The following TUT4 variants were observed in gnomAD, a reference collection of about 807,000 sequenced individuals.
TUT4 encodes terminal uridylyltransferase 4.
Under a neutral mutation model 192.2 loss-of-function variants are expected in TUT4, and 36 were observed. The ratio of observed to expected loss-of-function variants is 0.19; its 90% confidence interval spans 0.14 to 0.25. The LOEUF is 0.25. TUT4 is among the 10% of genes least tolerant of loss of function. TUT4 has a pLI of 1.00. For missense variants in TUT4, 1,493 were observed against 1,957.2 expected (o/e 0.76, Z 4.47); for synonymous variants, 618 against 666.0 (o/e 0.93, Z 1.11).
intron 12 of TUT4, among the ~76,000 whole-genome samples, chr1:52,475,773 G>A (rs1264164051): frequency 2.6e-5 from 4 of 151,802 alleles, no homozygotes; most frequent in Non-Finnish European, 5.9e-5. Context: ...CTAATAATAA[G>A]GTCACTAATA....
chr1:52,470,402 C>A (rs1352281176), intron 14 of TUT4, among the ~76,000 whole-genome samples: 3 of 151,658 alleles, frequency 2.0e-5, no homozygotes, highest in Non-Finnish European at 4.4e-5. Context: ...TGCTAAAAAA[C>A]ACGTGCCATG....
intron 8 of TUT4, 73 bp downstream of exon 8, chr1:52,490,659 T>C: frequency 1.5e-6 from 2 of 1,343,736 alleles, no homozygotes; most frequent in Non-Finnish European, 2.1e-6. Context: ...ACTTTTTCTC[T>C]TAAAGATCAT....
chr1:52,524,192 T>C (rs1055619950), intron 2 of TUT4, among the ~76,000 whole-genome samples: 4 of 152,212 alleles, frequency 2.6e-5, no homozygotes, highest in Non-Finnish European at 5.9e-5. Context: ...TCCTGCATTA[T>C]ACTCAAAAGG....
At chr1:52,528,358 G>A (rs1220095644) in intron 1 of TUT4, among the ~76,000 whole-genome samples, 1 of 151,840 alleles carries the variant, frequency 6.6e-6, no homozygotes, top group Non-Finnish European at 1.5e-5. Flanking sequence ...GGCCACTGTG[G>A]CATGCGCCTG....
In TUT4 at chr1:52,436,778, C is replaced by A; in HGVS notation, c.4139G>T (p.Arg1380Leu). The change falls in exon 26 of 30, where the codon CGT becomes CTT. Residue 1380 changes from arginine (R) to leucine (L), a missense_variant. This residue lies in a region of TUT4 where 351 missense variants were observed against 397.8 expected (regional missense o/e 0.88). Coordinates refer to ENST00000257177, the MANE Select transcript of TUT4 (RefSeq NM_001009881.3). The stretch of plus-strand genomic sequence containing the variant: ...ACCTGCCACACTGCTATTCCTCTGA[C>A]GGGCCAGCTTGACCTCTGGGCACTC... ...RRECPEVKLARQRNSSVAAAQ... is the reference protein window; with the variant it reads ...RRECPEVKLALQRNSSVAAAQ... 6.2e-7 allele frequency: 1 copy of A among 1,613,620 alleles called. No homozygotes were observed. The highest frequency in any genetic ancestry group is 8.5e-7 in the Non-Finnish European group (1 of 1,180,020).
chr1:52,447,904 CCAGAATA>C (rs1658068742), intron 20 of TUT4, among the ~76,000 whole-genome samples: 1 of 152,200 alleles, frequency 6.6e-6, no homozygotes, highest in African/African-American at 2.4e-5. Flanking sequence ...CTAATGGGTC[CCAGAATA>C]CAGTTAAACC....
At chr1:52,434,885 T>G (rs1437160838) in intron 27 of TUT4, 1 of 152,216 alleles carries the variant, frequency 6.6e-6, no homozygotes, top group South Asian at 2.1e-4. Flanking sequence ...GTCTGAATTC[T>G]CATTCAATAC....
chr1:52,528,118 G>A (rs139632799), intron 1 of TUT4, among the ~76,000 whole-genome samples: 2,819 of 151,560 alleles, frequency 0.019, 88 homozygotes, highest in African/African-American at 0.065. Context: ...AGCGGAAGTT[G>A]CAGTGAACTG....
At chr1:52,489,638 T>C (rs1400416747) in intron 8 of TUT4, among the ~76,000 whole-genome samples, 1 of 152,164 alleles carries the variant, frequency 6.6e-6, no homozygotes, top group African/African-American at 2.4e-5. Context: ...AGTGAAGATA[T>C]TTTGAAAGCA....
At chr1:52,439,311 GCTTTT>G (rs1654809308) in intron 24 of TUT4, among the ~76,000 whole-genome samples, 2 of 152,300 alleles carry the variant, frequency 1.3e-5, no homozygotes, top group Admixed American at 1.3e-4. Flanking sequence ...ATTTAATACA[GCTTTT>G]TAAGAACATG....
At chr1:52,430,990 A>G (rs1455098096) in intron 28 of TUT4, 23 bp downstream of exon 28, 3 of 1,532,664 alleles carry the variant, frequency 2.0e-6, no homozygotes, top group East Asian at 4.5e-5. Context: ...ATGCAGATAA[A>G]AAAGAAGAAA....
chr1:52,429,086 T>G (rs890257304), intron 28 of TUT4, among the ~76,000 whole-genome samples: 2 of 146,964 alleles, frequency 1.4e-5, no homozygotes, highest in South Asian at 4.5e-4. Flanking sequence ...TAATAGGTTT[T>G]TTTTTTTTTT....
intron 16 of TUT4, chr1:52,463,773 A>G: frequency 7.7e-7 from 1 of 1,303,942 alleles, no homozygotes; most frequent in Non-Finnish European, 1.0e-6. Flanking sequence ...TCCCACTATT[A>G]AGGCCTGGTA....
At chr1:52,513,516 T>C (rs1246605422) in intron 3 of TUT4, among the ~76,000 whole-genome samples, 1 of 144,630 alleles carries the variant, frequency 6.9e-6, no homozygotes, top group Non-Finnish European at 1.5e-5. Context: ...AATAAAGAGG[T>C]AGAAAGAAAA....
chr1:52,468,206 T>C lies in TUT4; in HGVS notation c.2940A>G (p.Glu980=), dbSNP rs772961818. The part of the protein sequence containing the change: ...HNREQILIGL[E]KFIQKEYDEK... ...CATCATATTCTTTTTGAATAAACTT[T>C]TCCAAGCCAATTAAAATTTGCTCCC... Residue 980 remains glutamate, a synonymous_variant, in exon 15 of 30, where the codon GAA becomes GAG. Coordinates refer to ENST00000257177, the MANE Select transcript of TUT4 (RefSeq NM_001009881.3). 7 of 1,611,128 alleles carry C rather than the reference T, an allele frequency of 4.3e-6. No homozygotes were observed. The highest frequency in any genetic ancestry group is 5.9e-6 in the Non-Finnish European group (7 of 1,179,256).
chr1:52,424,003 CTGTT>C lies in TUT4; in HGVS notation c.4871-5_4871-2del. The C allele has an allele frequency of 6.2e-7, 1 of 1,609,084 alleles. No homozygotes were observed. Among genetic ancestry groups the C allele is most frequent in the Non-Finnish European group, 8.5e-7 (1 of 1,177,720 alleles). ...CTACACCGACGGGTGGCACATCTGT[CTGTT>C]GGATACAACACAGACAGGAAACTGA... On this transcript the variant is annotated splice_acceptor_variant and splice_polypyrimidine_tract_variant and intron_variant, in intron 29 of 29. Transcript: ENST00000257177. LOFTEE classifies it high-confidence loss of function.
chr1:52,513,021 G>A (rs1255294815), intron 3 of TUT4, among the ~76,000 whole-genome samples: 2 of 151,950 alleles, frequency 1.3e-5, no homozygotes, highest in South Asian at 2.1e-4. Flanking sequence ...TACCTGGGAG[G>A]CTGAGGCATG....
intron 20 of TUT4, among the ~76,000 whole-genome samples, chr1:52,452,316 A>G (rs1214961109): frequency 6.6e-6 from 1 of 152,180 alleles, no homozygotes; most frequent in Admixed American, 6.5e-5. Flanking sequence ...ATTGGCCTCC[A>G]AACCCATTTC....
intron 11 of TUT4, among the ~76,000 whole-genome samples, chr1:52,478,895 C>T (rs185309078): frequency 1.3e-5 from 2 of 152,276 alleles, no homozygotes; most frequent in Admixed American, 6.5e-5. Flanking sequence ...AGGGAAAAAA[C>T]CCCAAAGATC....
Sources: gnomAD v4.1 joint callset for allele counts (sites outside exome capture counted in the v4.1 genomes callset) on GRCh38, gnomAD v4.1.1 for gene constraint, gnomAD v4.1.1 regional missense constraint, MANE v1.5 for transcripts, NCBI Gene and HGNC (gene_info 2026-07-23, HGNC 2026-07-21) for gene names.